The following ELMO1 variants were observed in gnomAD, a reference collection of about 807,000 sequenced individuals.
ELMO1 encodes the protein engulfment and cell motility protein 1.
ELMO1 carries 26 observed loss-of-function variants against 98.9 expected under a neutral mutation model. That is an observed-to-expected ratio of 0.26 (90% CI 0.19 to 0.36). ELMO1 has a LOEUF of 0.36. Among genes scored for constraint, ELMO1 ranks in the 10% least tolerant of loss-of-function variants. ELMO1 has a pLI of 1.00. For missense variants in ELMO1, 627 were observed against 935.2 expected, an observed-to-expected ratio of 0.67 and a Z score of 4.30; for synonymous variants, 346 against 346.0, an observed-to-expected ratio of 1.00 and a Z score of 0.00.
In ELMO1 at chr7:37,157,344, G is replaced by T. The variant is rs1011167687; in HGVS notation, c.1087-24110C>A. ...AATCAGGCAGGAGAAAGAAATAAAG[G>T]CTATTCAATTAGGAAAAGAGGAAGT... is the stretch of plus-strand genomic sequence containing the variant. On this transcript the variant is annotated intron_variant, in intron 13 of 21. Coordinates refer to ENST00000310758, the MANE Select transcript of ELMO1 (RefSeq NM_014800.11). Among the ~76,000 whole-genome samples, 3 of 152,280 alleles carry T rather than the reference G, an allele frequency of 2.0e-5. 1 individual carries two copies. The South Asian group carries it at 6.2e-4, about 32-fold the overall frequency.
intron 13 of ELMO1, among the ~76,000 whole-genome samples, chr7:37,192,290 A>C (rs1444151540): frequency 6.6e-6 from 1 of 151,996 alleles, no homozygotes; most frequent in Non-Finnish European, 1.5e-5. Context: ...AAGTCAAGAG[A>C]TCGAGACCAT....
At chr7:37,064,422 C>A (rs1421499211) in intron 15 of ELMO1, among the ~76,000 whole-genome samples, 4 of 152,138 alleles carry the variant, frequency 2.6e-5, no homozygotes, top group African/African-American at 7.2e-5. Context: ...AGCATCAGAT[C>A]ATCAGGTTCC....
At chr7:37,023,926 G>T (rs943180229) in intron 15 of ELMO1, among the ~76,000 whole-genome samples, 2 of 152,150 alleles carry the variant, frequency 1.3e-5, no homozygotes, top group Non-Finnish European at 2.9e-5. Context: ...TTATTGAAGG[G>T]TACTGCAGAT....
rs1262495741 is a variant in ELMO1, at chr7:37,226,363, T to G, written c.550-1333A>C. Among the ~76,000 whole-genome samples the G allele has an allele frequency of 3.9e-5, 6 of 152,340 alleles. 1 individual carries two copies. The East Asian group carries it at 1.2e-3, about 29-fold the overall frequency. On this transcript the variant is annotated intron_variant, in intron 8 of 21. Coordinates refer to ENST00000310758, the MANE Select transcript of ELMO1 (RefSeq NM_014800.11). ...CTATCCTTGGCAAGCCCTTGACTTA[T>G]TCCTCGCAGTCTGCTCCAATCCACC... is the stretch of plus-strand genomic sequence containing the variant.
chr7:37,118,879 T>C (rs1407557971), intron 14 of ELMO1, among the ~76,000 whole-genome samples: 1 of 152,148 alleles, frequency 6.6e-6, no homozygotes, highest in African/African-American at 2.4e-5. Context: ...GCAAAACACA[T>C]CTGTAGGACT....
At chr7:36,936,199 T>C (rs765519214) in intron 16 of ELMO1, among the ~76,000 whole-genome samples, 1 of 152,128 alleles carries the variant, frequency 6.6e-6, no homozygotes, top group Non-Finnish European at 1.5e-5. Context: ...ATTCAGTGTT[T>C]CTGTAATTAT....
chr7:37,255,297 G>A (rs564440215), intron 6 of ELMO1, among the ~76,000 whole-genome samples: 37 of 152,256 alleles, frequency 2.4e-4, no homozygotes, highest in African/African-American at 8.2e-4. Flanking sequence ...ACAGGGATGT[G>A]CACATGAGGA....
At chr7:37,037,459 G>A (rs1296145700) in intron 15 of ELMO1, among the ~76,000 whole-genome samples, 1 of 152,156 alleles carries the variant, frequency 6.6e-6, no homozygotes, top group Non-Finnish European at 1.5e-5. Context: ...GAAAATAATT[G>A]AGCTGCTACC....
chr7:37,247,861 G>T (rs1224817622), intron 6 of ELMO1, among the ~76,000 whole-genome samples: 1 of 151,358 alleles, frequency 6.6e-6, no homozygotes, highest in Non-Finnish European at 1.5e-5. Context: ...CTCTGTTCTT[G>T]CAAGTTTTAA....
intron 6 of ELMO1, among the ~76,000 whole-genome samples, chr7:37,257,762 G>C (rs901265120): frequency 6.6e-6 from 1 of 150,704 alleles, no homozygotes; most frequent in Non-Finnish European, 1.5e-5. Flanking sequence ...AATATCTTGG[G>C]AGACCGAGGT....
intron 5 of ELMO1, chr7:37,271,418 C>A: frequency 5.6e-6 from 1 of 178,586 alleles, no homozygotes; most frequent in Non-Finnish European, 1.2e-5. Context: ...TTAAGATGAC[C>A]TCCAAACTCA....
At chr7:36,903,765 C>A (rs994579279) in intron 16 of ELMO1, among the ~76,000 whole-genome samples, 9 of 152,244 alleles carry the variant, frequency 5.9e-5, no homozygotes. Flanking sequence ...GCACCCTTCC[C>A]TCTGTGCTGC....
chr7:37,191,962 T>A (rs1791613437), intron 13 of ELMO1, among the ~76,000 whole-genome samples: 1 of 152,202 alleles, frequency 6.6e-6, no homozygotes, highest in South Asian at 2.1e-4. Flanking sequence ...GTGATGTTTA[T>A]CCAGGTGTAC....
intron 1 of ELMO1, among the ~76,000 whole-genome samples, chr7:37,441,696 T>C (rs530497365): frequency 2.0e-4 from 30 of 152,330 alleles, no homozygotes; most frequent in Non-Finnish European, 3.8e-4. Context: ...TGGTCAGAAT[T>C]CAAAACGTTG....
At chr7:37,194,677 G>A (rs1584792546) in intron 13 of ELMO1, among the ~76,000 whole-genome samples, 1 of 152,086 alleles carries the variant, frequency 6.6e-6, no homozygotes, top group African/African-American at 2.4e-5. Context: ...ACTCCTTGTT[G>A]GTCACCCACG....
intron 15 of ELMO1, among the ~76,000 whole-genome samples, chr7:37,087,528 G>A (rs1783854265): frequency 6.6e-6 from 1 of 151,586 alleles, no homozygotes; most frequent in Non-Finnish European, 1.5e-5. Flanking sequence ...AACATTATTG[G>A]GTTTAAATTG....
intron 1 of ELMO1, among the ~76,000 whole-genome samples, chr7:37,440,067 C>T (rs1805334374): frequency 1.3e-5 from 2 of 152,092 alleles, no homozygotes; most frequent in East Asian, 3.8e-4. Context: ...ATCGGTCCCA[C>T]TCCCCCAAAC....
rs749730503 is a variant in ELMO1 at position 37,013,427 on chromosome 7, T to C, written c.1309A>G (p.Thr437Ala). Residue 437 changes from threonine (T) to alanine (A), a missense_variant, in exon 16 of 22, where the codon ACC becomes GCC. Thr to Ala is a moderately conservative substitution (Grantham distance 58). Transcript: ENST00000310758. ...ILKVGELPSETCNDFHPMFFT... is the reference protein window; with the variant it reads ...ILKVGELPSEACNDFHPMFFT... ...AACATCGGGTGGAAGTCGTTGCAGG[T>C]CTCACTAGCTGGAGGAAAGAGATGG... is the stretch of plus-strand genomic sequence containing the variant. 6.8e-6 allele frequency: 11 copies of C among 1,613,932 alleles called. No homozygotes were observed. The highest frequency in any genetic ancestry group is 9.3e-6 in the Non-Finnish European group (11 of 1,179,930).
chr7:37,234,214 A>T (rs936954000), intron 7 of ELMO1, among the ~76,000 whole-genome samples: 2 of 152,168 alleles, frequency 1.3e-5, no homozygotes, highest in Admixed American at 1.3e-4. Flanking sequence ...TTCAATTTTT[A>T]AAAAAATAAA....
Sources: gnomAD v4.1 joint callset for allele counts (sites outside exome capture counted in the v4.1 genomes callset) on GRCh38, gnomAD v4.1.1 for gene constraint, MANE v1.5 for transcripts, NCBI Gene and HGNC (gene_info 2026-07-23, HGNC 2026-07-21) for gene names.